C12orf56: variants seen among roughly 807,000 people sequenced by gnomAD.
The protein encoded by C12orf56 is chromosome 12 open reading frame 56.
C12orf56 carries 71 observed loss-of-function variants against 69.9 expected under a neutral mutation model. That is an observed-to-expected ratio of 1.02 (90% CI 0.84 to 1.24). The LOEUF (loss-of-function observed/expected upper bound fraction) is 1.24, where lower values mean the gene tolerates loss of function less well. Ranked by LOEUF, C12orf56 falls within the 50% of genes most tolerant of loss-of-function variation. The pLI is 0.00. For missense variants in C12orf56, 732 were observed against 738.5 expected (o/e 0.99, Z 0.10); for synonymous variants, 276 against 274.1 (o/e 1.01, Z -0.07).
chr12:64,337,452 G>A (rs10128944), intron 2 of C12orf56, among the ~76,000 whole-genome samples: 164 of 151,780 alleles, frequency 1.1e-3, no homozygotes, highest in African/African-American at 3.7e-3. Flanking sequence ...AAGTGAACCA[G>A]AACATGCCAC....
chr12:64,275,475 T>A, intron 9 of C12orf56, 103 bp from the exon 10 acceptor site: 1 of 542,780 alleles, frequency 1.8e-6, no homozygotes. Context: ...CTTTCTCTTT[T>A]TTTTGAGACA....
intron 12 of C12orf56, among the ~76,000 whole-genome samples, chr12:64,269,989 G>A (rs1401917378): frequency 6.6e-6 from 1 of 152,288 alleles, no homozygotes; most frequent in South Asian, 2.1e-4. Flanking sequence ...GTTCTTCAAA[G>A]AGAGTTTGAT....
intron 3 of C12orf56, 41 bp downstream of exon 3, chr12:64,330,919 T>C: frequency 1.4e-6 from 2 of 1,454,326 alleles, no homozygotes; most frequent in Non-Finnish European, 1.9e-6. Flanking sequence ...AAAAATGTTT[T>C]GGTTAGCAAG....
intron 1 of C12orf56, among the ~76,000 whole-genome samples, chr12:64,385,455 A>T (rs2039776848): frequency 6.6e-6 from 1 of 152,210 alleles, no homozygotes; most frequent in African/African-American, 2.4e-5. Context: ...TATGTCAGGA[A>T]CTAGAGTTAA....
At chr12:64,380,144 CAAAA>C (rs1301705651) in intron 1 of C12orf56, among the ~76,000 whole-genome samples, 9 of 81,638 alleles carry the variant, frequency 1.1e-4, no homozygotes, top group Admixed American at 9.2e-4. Flanking sequence ...ACAAAACAAA[CAAAA>C]AAAAACGCAC....
chr12:64,300,222 C>T (rs2038426121), intron 6 of C12orf56, among the ~76,000 whole-genome samples: 1 of 152,072 alleles, frequency 6.6e-6, no homozygotes, highest in Non-Finnish European at 1.5e-5. Context: ...CTAAGGAGAA[C>T]AAGTATCCAA....
At chr12:64,276,299 C>A (rs2038050547) in intron 9 of C12orf56, among the ~76,000 whole-genome samples, 1 of 152,080 alleles carries the variant, frequency 6.6e-6, no homozygotes, top group Non-Finnish European at 1.5e-5. Flanking sequence ...TGATCAAATA[C>A]ACAAATGCCT....
intron 1 of C12orf56, among the ~76,000 whole-genome samples, chr12:64,375,599 G>C (rs901458339): frequency 2.0e-5 from 3 of 152,110 alleles, no homozygotes; most frequent in African/African-American, 7.2e-5. Flanking sequence ...CTGGCCATTG[G>C]AAGCTGACAA....
intron 5 of C12orf56, among the ~76,000 whole-genome samples, chr12:64,308,936 GAAAGAAGAAAGA>G (rs1324096972): frequency 8.9e-4 from 29 of 32,624 alleles, no homozygotes; most frequent in South Asian, 2.4e-3. Context: ...AAGAAAGAAA[GAAAGAAGAAAGA>G]AAGAAAGAAA....
At position 64,303,653 on chromosome 12, in the gene C12orf56, C is replaced by T. The variant is rs761084738; in HGVS notation, c.1095G>A (p.Leu365=). 47 of 1,557,314 alleles carry T rather than the reference C, an allele frequency of 3.0e-5. No individual in the cohort carries two copies. In the East Asian group the frequency reaches 7.2e-4, roughly 24 times the overall value. Residue 365 remains leucine, a synonymous_variant, in exon 6 of 13, where the codon CTG becomes CTA. Transcript: ENST00000543942. ...LKVAAQKNFI[L]KRLFWKTSDL... ...CACTTACCTTCCAGAAAAGCCTTTT[C>T]AGAATGAAGTTTTTCTGGGCTGCTA...
intron 6 of C12orf56, among the ~76,000 whole-genome samples, chr12:64,299,124 T>C (rs1480557572): frequency 2.6e-5 from 4 of 152,204 alleles, no homozygotes; most frequent in Non-Finnish European, 4.4e-5. Flanking sequence ...TATTCCTAGG[T>C]ATTTTATTCT....
intron 2 of C12orf56, chr12:64,338,444 G>A (rs769061353): frequency 1.9e-5 from 16 of 824,824 alleles, no homozygotes; most frequent in East Asian, 5.0e-5. Flanking sequence ...CTTTTGCACC[G>A]CAGACTTTAC....
At chr12:64,379,927 C>CAAAA (rs200293677) in intron 1 of C12orf56, among the ~76,000 whole-genome samples, 2 of 114,126 alleles carry the variant, frequency 1.8e-5, no homozygotes, top group Admixed American at 8.6e-5. Flanking sequence ...ACTAAAAATA[C>CAAAA]AAAAAAAAAA....
At chr12:64,306,424 T>G (rs574827175) in intron 5 of C12orf56, among the ~76,000 whole-genome samples, 136 of 151,670 alleles carry the variant, frequency 9.0e-4, no homozygotes, top group African/African-American at 2.8e-3. Flanking sequence ...GTTTTGTTTT[T>G]TTTTTTTTTT....
At position 64,266,043 on chromosome 12, in the gene C12orf56, G is replaced by A. The variant is rs1037395917; in HGVS notation, c.*1140C>T. 4 of 152,212 alleles carry A rather than the reference G, an allele frequency of 2.6e-5. No homozygotes were observed. The highest frequency in any genetic ancestry group is 9.7e-5 in the African/African-American group (4 of 41,450). 9.4% of individuals were successfully genotyped at this position (152,212 alleles called of 1,614,324 possible). Reference sequence around the variant, plus strand: ...TTCTTTCTCTATGATAAAAGAGGAAGTGACATTCTATACAGCTATGCCTGT... The same window carrying A: ...TTCTTTCTCTATGATAAAAGAGGAAATGACATTCTATACAGCTATGCCTGT... On this transcript the variant is annotated 3_prime_UTR_variant, in exon 13 of 13. Transcript: ENST00000543942.
intron 1 of C12orf56, among the ~76,000 whole-genome samples, chr12:64,388,504 A>G (rs796568335): frequency 3.3e-5 from 5 of 152,246 alleles, no homozygotes; most frequent in African/African-American, 1.2e-4. Flanking sequence ...TGGCCTCCCA[A>G]AATGCTGGGA....
intron 3 of C12orf56, among the ~76,000 whole-genome samples, chr12:64,329,190 CTTA>C (rs1323045329): frequency 1.3e-5 from 2 of 152,166 alleles, no homozygotes; most frequent in African/African-American, 4.8e-5. Flanking sequence ...GAACCTCAAG[CTTA>C]ACCTATTTAA....
At chr12:64,285,922 A>C (rs773802641) in intron 7 of C12orf56, 32 bp downstream of exon 7, 3 of 1,462,490 alleles carry the variant, frequency 2.1e-6, no homozygotes, top group African/African-American at 2.9e-5. Flanking sequence ...AGCAAAAAAA[A>C]AAAAATCGAT....
At chr12:64,331,823 T>A (rs1369312670) in intron 2 of C12orf56, among the ~76,000 whole-genome samples, 2 of 152,112 alleles carry the variant, frequency 1.3e-5, no homozygotes, top group Admixed American at 6.5e-5. Context: ...TAGTCTAAGG[T>A]ATTTTGTTAT....
Sources: allele counts gnomAD v4.1 joint callset (sites outside exome capture counted in the v4.1 genomes callset), GRCh38; gene constraint gnomAD v4.1.1; transcripts MANE v1.5; gene names NCBI Gene and HGNC (gene_info 2026-07-23, HGNC 2026-07-21).